ZNF875: variants seen among roughly 807,000 people sequenced by gnomAD.
The protein encoded by ZNF875 is zinc finger protein 875.
Under a neutral mutation model 11.2 loss-of-function variants are expected in ZNF875, and 14 were observed. The observed-to-expected ratio is 1.26, with a 90% CI of 0.83 to 1.96. The LOEUF is 1.96. ZNF875 is among the 30% of genes most tolerant of loss of function. The pLI is 0.00. For synonymous variants in ZNF875, 301 were observed against 281.1 expected (o/e 1.07, Z -0.71); for missense variants, 752 against 760.4 (o/e 0.99, Z 0.13).
At chr19:37,353,324 A>G (rs1008743934) in intron 4 of ZNF875, among the ~76,000 whole-genome samples, 1 of 152,246 alleles carries the variant, frequency 6.6e-6, no homozygotes, top group African/African-American at 2.4e-5. Context: ...AGAATCTCAC[A>G]AGAGTATGTT....
chr19:37,348,603 G>A (rs1485219425), intron 4 of ZNF875, among the ~76,000 whole-genome samples: 1 of 152,076 alleles, frequency 6.6e-6, no homozygotes, highest in Non-Finnish European at 1.5e-5. Context: ...ATGTAGCTCT[G>A]CTTCATTCAT....
chr19:37,336,405 T>C (rs1321572350), intron 2 of ZNF875, among the ~76,000 whole-genome samples: 1 of 150,338 alleles, frequency 6.7e-6, no homozygotes, highest in Non-Finnish European at 1.5e-5. Flanking sequence ...GTTCACACCA[T>C]TCTTCTGCCT....
chr19:37,351,678 G>C (rs1261358769), intron 4 of ZNF875, among the ~76,000 whole-genome samples: 1 of 152,120 alleles, frequency 6.6e-6, no homozygotes, highest in Non-Finnish European at 1.5e-5. Flanking sequence ...CCTATTGGTT[G>C]TTTAGAAGTG....
chr19:37,360,278 C>T (rs148734116), intron 4 of ZNF875, among the ~76,000 whole-genome samples: 123 of 152,320 alleles, frequency 8.1e-4, no homozygotes, highest in East Asian at 7.1e-3. Context: ...GTTCCATGAT[C>T]TCCATCTTCC....
chr19:37,336,119 A>C (rs2034338006), intron 2 of ZNF875, among the ~76,000 whole-genome samples: 1 of 152,150 alleles, frequency 6.6e-6, no homozygotes, highest in Non-Finnish European at 1.5e-5. Context: ...GTGATTTCAA[A>C]TGGTTAGGGA....
intron 4 of ZNF875, chr19:37,358,152 T>C: frequency 2.7e-6 from 1 of 368,298 alleles, no homozygotes; most frequent in African/African-American, 2.2e-5. Flanking sequence ...TTTTTTTTTT[T>C]TTTTTTGTTT....
chr19:37,353,056 T>A (rs2038215907), intron 4 of ZNF875, among the ~76,000 whole-genome samples: 1 of 151,886 alleles, frequency 6.6e-6, no homozygotes, highest in South Asian at 2.1e-4. Flanking sequence ...GTATTGTCAG[T>A]AGAGATGGGA....
intron 2 of ZNF875, chr19:37,346,189 T>C (rs1235843558): frequency 6.6e-6 from 1 of 152,220 alleles, no homozygotes. Flanking sequence ...GAATTTTACA[T>C]AGAACGGCCA....
Position 37,363,596 on chromosome 19 carries a change from C to T in ZNF875, c.1744C>T (p.His582Tyr). The T allele has an allele frequency of 6.2e-7, 1 of 1,613,798 alleles. No individual in the cohort carries two copies. Among genetic ancestry groups the T allele is most frequent in the Non-Finnish European group, 8.5e-7 (1 of 1,179,948 alleles). The change falls in exon 5 of 5, where the codon CAC becomes TAC. Residue 582 changes from histidine (H) to tyrosine (Y), a missense_variant. Coordinates refer to ENST00000392153, the MANE Select transcript of ZNF875 (RefSeq NM_001353803.2). ...KLTLIKHQRA[H>Y]AGGKPHVCRE... is the part of the protein sequence containing the mutation. Reference sequence around the variant, plus strand: ...AACTCTCATTAAACACCAGAGAGCACACGCAGGGGGGAAGCCTCATGTGTG... The same window carrying T: ...AACTCTCATTAAACACCAGAGAGCATACGCAGGGGGGAAGCCTCATGTGTG...
At chr19:37,344,530 A>G in intron 2 of ZNF875, 2 of 647,678 alleles carry the variant, frequency 3.1e-6, no homozygotes, top group South Asian at 3.6e-5. Context: ...ACAAATGACG[A>G]AGTCTTTTGC....
chr19:37,347,374 C>A, intron 3 of ZNF875, 58 bp downstream of exon 3: 3 of 1,521,750 alleles, frequency 2.0e-6, no homozygotes, highest in Non-Finnish European at 2.7e-6. Flanking sequence ...TTCCACTCAT[C>A]GTGAGGAAGG....
intron 2 of ZNF875, among the ~76,000 whole-genome samples, chr19:37,339,521 A>G (rs1471131144): frequency 6.7e-6 from 1 of 148,964 alleles, no homozygotes; most frequent in Non-Finnish European, 1.5e-5. Context: ...CACCCACAGC[A>G]GTTGGAGATT....
chr19:37,331,050 G>C (rs1353165486), upstream of ZNF875, among the ~76,000 whole-genome samples: 3 of 151,814 alleles, frequency 2.0e-5, no homozygotes, highest in Non-Finnish European at 4.4e-5. Context: ...AGCCAGGCGA[G>C]GTGGCAGGCG....
In ZNF875 at chr19:37,362,661, T is replaced by TC. The variant is rs1568666351; in HGVS notation, c.810dup (p.Lys271GlnfsTer78). The stretch of plus-strand genomic sequence containing the variant: ...AGCTTTGGCAGTATGTCAGTCCTCA[T>TC]CAAAAACCCAAGGACACACTCTGGG... On this transcript the variant is annotated frameshift_variant, in exon 5 of 5. Transcript: ENST00000392153. LOFTEE classifies it low-confidence loss of function (END_TRUNC). 1 of 1,612,772 alleles carries TC rather than the reference T, an allele frequency of 6.2e-7. No homozygotes were observed. The highest frequency in any genetic ancestry group is 1.3e-5 in the African/African-American group (1 of 74,858).
intron 2 of ZNF875, chr19:37,344,870 G>A: frequency 2.4e-6 from 2 of 825,520 alleles, no homozygotes; most frequent in Non-Finnish European, 4.2e-6. Flanking sequence ...GTTCTGAGAA[G>A]GGGTTGTAAA....
At chr19:37,317,545 T>C (rs888562480), upstream of ZNF875, among the ~76,000 whole-genome samples, 4 of 152,198 alleles carry the variant, frequency 2.6e-5, no homozygotes, top group African/African-American at 9.6e-5. Flanking sequence ...GAGGTGGGCA[T>C]TGGCCAGGTG....
At chr19:37,352,874 CTTTTTTTTT>C (rs60469285) in intron 4 of ZNF875, among the ~76,000 whole-genome samples, 2 of 87,756 alleles carry the variant, frequency 2.3e-5, no homozygotes, top group East Asian at 3.3e-4. Context: ...ATTCTTTTTT[CTTTTTTTTT>C]TTTTTTTTTG....
chr19:37,340,223 C>G (rs2035403839), intron 2 of ZNF875, among the ~76,000 whole-genome samples: 1 of 152,134 alleles, frequency 6.6e-6, no homozygotes, highest in Non-Finnish European at 1.5e-5. Flanking sequence ...CTCTGGTGAA[C>G]TACCCGCCTC....
At chr19:37,330,745 T>G (rs1217464054), upstream of ZNF875, among the ~76,000 whole-genome samples, 1 of 152,188 alleles carries the variant, frequency 6.6e-6, no homozygotes, top group African/African-American at 2.4e-5. Context: ...TTTAATAACT[T>G]TTTTGACTCA....
Sources: gnomAD v4.1 joint callset for allele counts (sites outside exome capture counted in the v4.1 genomes callset) on GRCh38, gnomAD v4.1.1 for gene constraint, MANE v1.5 for transcripts, NCBI Gene and HGNC (gene_info 2026-07-23, HGNC 2026-07-21) for gene names.